Variants in CACNA1I observed in about 807,000 individuals in gnomAD.
CACNA1I encodes the protein voltage-dependent T-type calcium channel subunit alpha-1I.
Under a neutral mutation model 201.6 loss-of-function variants are expected in CACNA1I, and 74 were observed. The observed-to-expected ratio is 0.37, with a 90% CI of 0.30 to 0.45. The LOEUF (loss-of-function observed/expected upper bound fraction) is 0.45. CACNA1I is among the 20% of genes least tolerant of loss of function. The pLI, the probability that CACNA1I is intolerant of heterozygous loss-of-function variation, is 1.00. For missense variants in CACNA1I, 2,346 were observed against 3,138.1 expected (o/e 0.75, Z 6.03); for synonymous variants, 1,431 against 1,345.2 (o/e 1.06, Z -1.40).
Position 39,649,819 on chromosome 22 carries a change from C to T in CACNA1I, c.1886C>T (p.Thr629Met), listed in dbSNP as rs552710262. ...CTGTGCGGGGATGTGTGGCGGGAGA[C>T]GCGAGCCAAGCTGCGCGGCATCGTG... ...VWLCGDVWRETRAKLRGIVDS... is the reference protein window; with the variant it reads ...VWLCGDVWREMRAKLRGIVDS... The change falls in exon 10 of 37, where the codon ACG (threonine) becomes ATG (methionine). Residue 629 changes from threonine (T) to methionine (M), a missense_variant. This residue lies in a region of CACNA1I where 312 missense variants were observed against 331.5 expected (regional missense o/e 0.94). Transcript: ENST00000402142. The surrounding 1 kb of genome is among the most constrained non-coding windows in gnomAD (Gnocchi z 7.3). The T allele has an allele frequency of 5.5e-5, 89 of 1,612,000 alleles. No homozygotes were observed. The highest frequency in any genetic ancestry group is 5.3e-4 in the Admixed American group (32 of 59,858).
Position 39,659,497 on chromosome 22 carries a change from C to T in CACNA1I, c.2395C>T (p.Pro799Ser). The change falls in exon 13 of 37, where the codon CCC (proline) becomes TCC (serine). Residue 799 changes from proline (P) to serine (S), a missense_variant. This residue lies in a region of CACNA1I where 155 missense variants were observed against 300.8 expected (regional missense o/e 0.52). Coordinates refer to ENST00000402142, the MANE Select transcript of CACNA1I (RefSeq NM_021096.4). This position sits in a 1 kb window ranked among gnomAD's most constrained non-coding sequence, Gnocchi z 4.3. Reference protein sequence around the residue: ...SLRTDTGDTVPDRKNFDSLLW... With the variant: ...SLRTDTGDTVSDRKNFDSLLW... ...CCGCACGGACACTGGAGACACGGTG[C>T]CCGACAGGAAGAACTTCGACTCCCT... The T allele has an allele frequency of 1.3e-6, 2 of 1,590,492 alleles. No homozygotes were observed. Among genetic ancestry groups the T allele is most frequent in the Non-Finnish European group, 1.7e-6 (2 of 1,167,578 alleles).
chr22:39,625,096 C>T (rs948500165), intron 4 of CACNA1I, among the ~76,000 whole-genome samples: 11 of 151,842 alleles, frequency 7.2e-5, no homozygotes, highest in Non-Finnish European at 1.3e-4. Flanking sequence ...TTAGTAGAGA[C>T]GGGGTTTCAC....
chr22:39,662,175 C>T lies in CACNA1I; in HGVS notation c.3112C>T (p.His1038Tyr), dbSNP rs765774883. The T allele has an allele frequency of 1.3e-6, 2 of 1,531,938 alleles. No homozygotes were observed. Among genetic ancestry groups the T allele is most frequent in the Non-Finnish European group, 1.8e-6 (2 of 1,142,292 alleles). 94.9% of individuals were successfully genotyped at this position (1,531,938 alleles called of 1,614,324 possible). ...CGCACCCCTGCACACCCCACACGCC[C>T]ACCACATTCATCACGGGCCCCATCT... The part of the protein sequence containing the change: ...RAAPLHTPHA[H>Y]HIHHGPHLAH... Residue 1038 changes from histidine to tyrosine, a missense_variant, in exon 17 of 37, where the codon CAC becomes TAC. This residue lies in a region of CACNA1I where 288 missense variants were observed against 255.2 expected (regional missense o/e 1.13). Transcript: ENST00000402142.
At chr22:39,619,801 A>G (rs1327606577) in intron 4 of CACNA1I, among the ~76,000 whole-genome samples, 2 of 152,128 alleles carry the variant, frequency 1.3e-5, no homozygotes, top group African/African-American at 4.8e-5. Flanking sequence ...GGGGCAATGA[A>G]ACCTGACTCC....
In CACNA1I at chr22:39,685,297, TGGGA is replaced by T. The variant is rs1935825008; in HGVS notation, c.6028-461_6028-458del. ...GGCTGCAGGTGGGGGGCCCCGGGGT[TGGGA>T]GGTGGGGGGCTCTGGGGCTGGGAGG... On this transcript the variant is annotated intron_variant, in intron 36 of 36. Coordinates refer to ENST00000402142, the MANE Select transcript of CACNA1I (RefSeq NM_021096.4). The surrounding 1 kb of genome is among the most constrained non-coding windows in gnomAD (Gnocchi z 5.0). 8.6e-5 allele frequency: 1 copy of T among 11,692 alleles called. No individual in the cohort carries two copies. Among genetic ancestry groups the T allele is most frequent in the Non-Finnish European group, 1.6e-4 (1 of 6,304 alleles). 0.7% of individuals were successfully genotyped at this position (11,692 alleles called of 1,614,324 possible). A position where few individuals can be genotyped will look rare whatever the true frequency, so the allele number is the denominator to read the frequency against.
chr22:39,647,470 G>C (rs557808479), intron 8 of CACNA1I, among the ~76,000 whole-genome samples: 1 of 152,294 alleles, frequency 6.6e-6, no homozygotes, highest in East Asian at 1.9e-4. Flanking sequence ...GGAGTACAGT[G>C]ACACAAACAC....
At chr22:39,596,080 T>G (rs2145822236) in intron 1 of CACNA1I, among the ~76,000 whole-genome samples, 1 of 137,270 alleles carries the variant, frequency 7.3e-6, no homozygotes, top group East Asian at 2.2e-4. Context: ...ACTCACTGTG[T>G]GTCTGAGGAG....
At chr22:39,612,873 A>C (rs1933424240) in intron 3 of CACNA1I, among the ~76,000 whole-genome samples, 1 of 151,876 alleles carries the variant, frequency 6.6e-6, no homozygotes, top group African/African-American at 2.4e-5. Context: ...TCCACAGAAC[A>C]CCTACTGTGT....
intron 5 of CACNA1I, among the ~76,000 whole-genome samples, chr22:39,636,355 G>C (rs1934218686): frequency 6.6e-6 from 1 of 152,208 alleles, no homozygotes; most frequent in African/African-American, 2.4e-5. Context: ...CCCGCCCCAG[G>C]AAGGGAATAA....
At chr22:39,656,460 A>T in intron 10 of CACNA1I, 1 of 516,004 alleles carries the variant, frequency 1.9e-6, no homozygotes, top group Non-Finnish European at 3.9e-6. Flanking sequence ...TCCCCTAGCC[A>T]CCCCCCACTT....
Position 39,659,986 on chromosome 22 carries a change from C to A in CACNA1I, c.2604+134C>A. 1 of 960,488 alleles carries A rather than the reference C, an allele frequency of 1.0e-6. No homozygotes were observed. Among genetic ancestry groups the A allele is most frequent in the East Asian group, 2.6e-5 (1 of 38,794 alleles). 59.5% of individuals were successfully genotyped at this position (960,488 alleles called of 1,614,324 possible). On this transcript the variant is annotated intron_variant, in intron 14 of 36. Coordinates refer to ENST00000402142, the MANE Select transcript of CACNA1I (RefSeq NM_021096.4). This position sits in a 1 kb window ranked among gnomAD's most constrained non-coding sequence, Gnocchi z 4.3. ...AACCTATCCCTAAAGGAGGGGGTTG[C>A]TGATGAGGTGGTGAGCTCTTCATCA... is the stretch of plus-strand genomic sequence containing the variant.
At chr22:39,594,745 G>C (rs1158316042) in intron 1 of CACNA1I, among the ~76,000 whole-genome samples, 1 of 152,092 alleles carries the variant, frequency 6.6e-6, no homozygotes, top group Admixed American at 6.5e-5. Flanking sequence ...CTTTGAAATG[G>C]AGGGGTGAGG....
chr22:39,684,743 G>C lies in CACNA1I; in HGVS notation c.6027+245G>C. On this transcript the variant is annotated intron_variant, in intron 36 of 36. Coordinates refer to ENST00000402142, the MANE Select transcript of CACNA1I (RefSeq NM_021096.4). The surrounding 1 kb of genome is among the most constrained non-coding windows in gnomAD (Gnocchi z 4.6). ...AGAGTGTGGGGAGGACCCCAAGGCG[G>C]GTCTGGAAGAGGCCTGTGATCCCTA... is the stretch of plus-strand genomic sequence containing the variant. 4 of 600,526 alleles carry C rather than the reference G, an allele frequency of 6.7e-6. No individual in the cohort carries two copies. The highest frequency in any genetic ancestry group is 6.0e-5 in the South Asian group (3 of 49,914). 37.2% of individuals were successfully genotyped at this position (600,526 alleles called of 1,614,324 possible).
intron 3 of CACNA1I, among the ~76,000 whole-genome samples, chr22:39,601,232 C>T (rs188255999): frequency 6.6e-6 from 1 of 152,314 alleles, no homozygotes; most frequent in Non-Finnish European, 1.5e-5. Context: ...ACAACTTGCT[C>T]CCCAGTGTTG....
intron 10 of CACNA1I, among the ~76,000 whole-genome samples, chr22:39,650,917 G>A (rs1284616983): frequency 6.6e-6 from 1 of 152,162 alleles, no homozygotes; most frequent in African/African-American, 2.4e-5. Context: ...CAGGGCCTCT[G>A]TGGGGACACG....
chr22:39,589,004 A>G (rs1053740786), intron 1 of CACNA1I, among the ~76,000 whole-genome samples: 1 of 152,134 alleles, frequency 6.6e-6, no homozygotes, highest in African/African-American at 2.4e-5. Flanking sequence ...CACTGGTGAC[A>G]TTTTGAGCTG....
At chr22:39,634,828 C>A in intron 5 of CACNA1I, 104 bp downstream of exon 5, 17 of 1,119,906 alleles carry the variant, frequency 1.5e-5, no homozygotes, top group South Asian at 7.8e-5. Context: ...GTAGAAGCAG[C>A]AAAAAAAGAG....
chr22:39,645,810 C>T (rs375550557), intron 7 of CACNA1I, among the ~76,000 whole-genome samples: 1 of 152,338 alleles, frequency 6.6e-6, no homozygotes, highest in East Asian at 1.9e-4. Flanking sequence ...GTGGAGCCCT[C>T]GGGCCACAAG....
rs766823338 is a variant in CACNA1I at position 39,649,772 on chromosome 22, G to A, written c.1839G>A (p.Glu613=). ...SELGKEEEEE[E]QADGAVWLCG... Reference sequence around the variant, plus strand: ...TGGGGAAGGAGGAGGAGGAGGAGGAGCAGGCGGATGGGGCGGTCTGGCTGT... The same window carrying A: ...TGGGGAAGGAGGAGGAGGAGGAGGAACAGGCGGATGGGGCGGTCTGGCTGT... Residue 613 remains glutamate (E), a synonymous_variant, in exon 10 of 37, where the codon GAG becomes GAA. Coordinates refer to ENST00000402142, the MANE Select transcript of CACNA1I (RefSeq NM_021096.4). The surrounding 1 kb of genome is among the most constrained non-coding windows in gnomAD (Gnocchi z 7.3). 1.2e-6 allele frequency: 2 copies of A among 1,604,622 alleles called. No individual in the cohort carries two copies. Among genetic ancestry groups the A allele is most frequent in the Non-Finnish European group, 1.7e-6 (2 of 1,175,608 alleles).
Sources: gnomAD v4.1 joint callset for allele counts (sites outside exome capture counted in the v4.1 genomes callset) on GRCh38, gnomAD v4.1.1 for gene constraint, gnomAD v4.1.1 regional missense constraint, Gnocchi (gnomAD v3.1) non-coding constraint, MANE v1.5 for transcripts, NCBI Gene and HGNC (gene_info 2026-07-23, HGNC 2026-07-21) for gene names.